Variants in PCGF3 observed in about 807,000 individuals in gnomAD.
The protein encoded by PCGF3 is polycomb group RING finger protein 3.
PCGF3 carries 7 observed loss-of-function variants against 33.1 expected under a neutral mutation model. The ratio of observed to expected loss-of-function variants is 0.21; its 90% CI spans 0.12 to 0.40. PCGF3 has a LOEUF of 0.40. Among genes scored for constraint, PCGF3 ranks in the 10% least tolerant of loss-of-function variants. The pLI, the probability that PCGF3 is intolerant of heterozygous loss-of-function variation, is 1.00. For missense variants in PCGF3, 211 were observed against 313.3 expected (o/e 0.67, Z 2.46); for synonymous variants, 153 against 121.3 (o/e 1.26, Z -1.72).
At chr4:769,632 C>G (rs200990046) in exon 11 of PCGF3, 1 of 152,618 alleles carries the variant, frequency 6.6e-6, no homozygotes, top group African/African-American at 2.4e-5. Flanking sequence ...AGGAACGCGC[C>G]GAGGTCTCCC....
At chr4:718,275 C>T (rs1384787052) in intron 1 of PCGF3, among the ~76,000 whole-genome samples, 3 of 151,874 alleles carry the variant, frequency 2.0e-5, no homozygotes, top group Admixed American at 6.6e-5. Flanking sequence ...GCCCCGGGGG[C>T]GGCGCTGGGG....
At chr4:743,680 G>A (rs560061905) in intron 7 of PCGF3, 96 bp downstream of exon 7, 57 of 712,270 alleles carry the variant, frequency 8.0e-5, no homozygotes, top group East Asian at 3.0e-4. Context: ...CCTCCCACAC[G>A]CACTCACGGG....
chr4:740,621 G>A (rs536861780), intron 6 of PCGF3, among the ~76,000 whole-genome samples: 1 of 152,268 alleles, frequency 6.6e-6, no homozygotes, highest in South Asian at 2.1e-4. Flanking sequence ...CGGACACAGT[G>A]TCTCATGCCT....
chr4:734,649 C>T, intron 4 of PCGF3: 1 of 1,273,736 alleles, frequency 7.9e-7, no homozygotes, highest in African/African-American at 1.5e-5. Flanking sequence ...ACAGCTCTGT[C>T]ACCTTTGAGC....
At chr4:758,679 C>T (rs1219009191) in intron 8 of PCGF3, among the ~76,000 whole-genome samples, 7 of 93,496 alleles carry the variant, frequency 7.5e-5, no homozygotes, top group Non-Finnish European at 1.4e-4. Context: ...TCTTTCTCCC[C>T]GCGCGGCCCC....
chr4:761,042 A>T (rs1745027338), intron 8 of PCGF3, among the ~76,000 whole-genome samples: 1 of 152,256 alleles, frequency 6.6e-6, no homozygotes, highest in Non-Finnish European at 1.5e-5. Flanking sequence ...TTATGTTAAT[A>T]ACACAGAATT....
At chr4:707,531 G>A (rs1247276546) in intron 1 of PCGF3, among the ~76,000 whole-genome samples, 1,607 of 118,552 alleles carry the variant, frequency 0.014, 30 homozygotes, top group East Asian at 0.032. Context: ...CGGGACCCTG[G>A]GACAGCCCTG....
At chr4:743,570 A>G (rs1207652348) in exon 7 of PCGF3, 1 of 1,604,228 alleles carries the variant, frequency 6.2e-7, no homozygotes, top group Non-Finnish European at 8.5e-7. Context: ...CAGCACTTAG[A>G]TTCCCATCGG....
At chr4:760,738 G>C (rs146203327) in intron 8 of PCGF3, among the ~76,000 whole-genome samples, 1 of 152,148 alleles carries the variant, frequency 6.6e-6, no homozygotes, top group African/African-American at 2.4e-5. Context: ...ATTCCTTTTC[G>C]CACCGGGCAG....
At chr4:764,233 G>T (rs144938524) in intron 9 of PCGF3, among the ~76,000 whole-genome samples, 13 of 152,304 alleles carry the variant, frequency 8.5e-5, no homozygotes, top group African/African-American at 3.1e-4. Context: ...CAAGGGGGAC[G>T]GGAACTCCCT....
intron 8 of PCGF3, among the ~76,000 whole-genome samples, chr4:748,190 A>C (rs1744350352): frequency 6.7e-6 from 1 of 149,616 alleles, no homozygotes; most frequent in African/African-American, 2.4e-5. Flanking sequence ...TTCCATACCC[A>C]CGTCTAGAGA....
intron 1 of PCGF3, among the ~76,000 whole-genome samples, chr4:728,897 C>T (rs890852956): frequency 6.6e-6 from 1 of 151,864 alleles, no homozygotes; most frequent in African/African-American, 2.4e-5. Context: ...GCCAGGAGTT[C>T]GAGACCAGCC....
intron 1 of PCGF3, among the ~76,000 whole-genome samples, chr4:722,087 G>C (rs184422321): frequency 2.0e-5 from 3 of 152,284 alleles, no homozygotes; most frequent in Admixed American, 2.0e-4. Context: ...GTGGGACGGT[G>C]TCTGTGTGAG....
Position 756,597 on chromosome 4 carries a change from GT to G in PCGF3, c.463-4674del, listed in dbSNP as rs780246586. Among the ~76,000 whole-genome samples the G allele has an allele frequency of 7.2e-5, 11 of 151,930 alleles. No homozygotes were observed. The East Asian group carries it at 7.7e-4, about 11-fold the overall frequency. Reference sequence around the variant, plus strand: ...ATTAAAATAATTCTAGAATTTTCATGTTTTTTTTAACCAGCTTTCTAAATTG... The same window carrying G: ...ATTAAAATAATTCTAGAATTTTCATGTTTTTTTAACCAGCTTTCTAAATTG... On this transcript the variant is annotated intron_variant, in intron 8 of 10. Transcript: ENST00000362003.
At chr4:764,345 G>T (rs1350782765) in intron 9 of PCGF3, 1 of 152,318 alleles carries the variant, frequency 6.6e-6, no homozygotes, top group Non-Finnish European at 1.5e-5. Context: ...ACTATGGTGA[G>T]AGGGAGGGAC....
intron 9 of PCGF3, among the ~76,000 whole-genome samples, chr4:764,095 G>C (rs1450710409): frequency 6.6e-6 from 1 of 152,090 alleles, no homozygotes; most frequent in Non-Finnish European, 1.5e-5. Flanking sequence ...GCTGCTGTTT[G>C]TCCACCTGTG....
rs541156631 is a variant in PCGF3 at position 720,327 on chromosome 4, C to T, written c.-189-10303C>T. On this transcript the variant is annotated intron_variant, in intron 1 of 10. Transcript: ENST00000362003. This position sits in a 1 kb window ranked among gnomAD's most constrained non-coding sequence, Gnocchi z 5.6. The stretch of plus-strand genomic sequence containing the variant: ...CATGCATCGCTGGGGAGGGTGACTG[C>T]GGGAGGAGCGCCTGTGCATCGCTGT... Among the ~76,000 whole-genome samples the T allele has an allele frequency of 6.6e-5, 10 of 151,910 alleles. No homozygotes were observed. Among genetic ancestry groups the T allele is most frequent in the Non-Finnish European group, 1.2e-4 (8 of 67,906 alleles).
At chr4:722,589 C>T (rs1487789360) in intron 1 of PCGF3, among the ~76,000 whole-genome samples, 1 of 116,558 alleles carries the variant, frequency 8.6e-6, no homozygotes, top group Non-Finnish European at 1.9e-5. Context: ...GGTCCACACT[C>T]GCGTCATCGC....
chr4:761,413 C>T lies in PCGF3; in HGVS notation c.597C>T (p.Asn199=), dbSNP rs368973879. 2.8e-5 allele frequency: 45 copies of T among 1,604,662 alleles called. No individual in the cohort carries two copies. In the African/African-American group the frequency reaches 3.6e-4, roughly 13 times the overall value. ...AAAAACTCAACCTTTCATCCTTTAACGAGGTAACAGTTGATCCCTAAGTAG... is the reference window on the plus strand; with the variant it reads ...AAAAACTCAACCTTTCATCCTTTAATGAGGTAACAGTTGATCCCTAAGTAG... The change falls in exon 9 of 11, where the codon AAC becomes AAT. Residue 199 remains asparagine, a synonymous_variant. Transcript: ENST00000362003.
Sources: gnomAD v4.1 joint callset for allele counts (sites outside exome capture counted in the v4.1 genomes callset) on GRCh38, gnomAD v4.1.1 for gene constraint, Gnocchi (gnomAD v3.1) non-coding constraint, MANE v1.5 for transcripts, NCBI Gene and HGNC (gene_info 2026-07-23, HGNC 2026-07-21) for gene names.